Variants in PPP6R2 observed in about 807,000 individuals in gnomAD.
PPP6R2 encodes the protein protein phosphatase 6 regulatory subunit 2.
Under a neutral mutation model 100.2 loss-of-function variants are expected in PPP6R2, and 62 were observed. The observed-to-expected ratio is 0.62, with a 90% CI of 0.50 to 0.76. PPP6R2 has a LOEUF of 0.76. Ranked by LOEUF, PPP6R2 falls within the 30% of genes least tolerant of loss-of-function variation. The pLI is 0.00. For missense variants in PPP6R2, 1,142 were observed against 1,276.3 expected, an observed-to-expected ratio of 0.89 and a Z score of 1.60; for synonymous variants, 525 against 514.7, an observed-to-expected ratio of 1.02 and a Z score of -0.27.
At chr22:50,397,725 C>T (rs11703578) in intron 3 of PPP6R2, among the ~76,000 whole-genome samples, 76 of 854 alleles carry the variant, frequency 0.089, 12 homozygotes, top group Admixed American at 0.12. Context: ...CATCTCTGAG[C>T]TTTTCTCTGA....
intron 1 of PPP6R2, among the ~76,000 whole-genome samples, chr22:50,354,748 C>A (rs773071661): frequency 6.6e-6 from 1 of 151,980 alleles, no homozygotes; most frequent in Non-Finnish European, 1.5e-5. Context: ...TGCAGTGAAC[C>A]GAGATCATGC....
At chr22:50,405,899 C>T in intron 3 of PPP6R2, among the ~76,000 whole-genome samples, 1 of 131,214 alleles carries the variant, frequency 7.6e-6, no homozygotes, top group Non-Finnish European at 1.6e-5. Context: ...GGTGAGAGGC[C>T]TGGCAGGCGA....
the PPP6R2 span, among the ~76,000 whole-genome samples, chr22:50,338,252 C>T: frequency 1.3e-5 from 1 of 74,870 alleles, no homozygotes; most frequent in African/African-American, 6.9e-5. Flanking sequence ...GTGTTTGTGT[C>T]TATGTGTGGT....
the PPP6R2 span, among the ~76,000 whole-genome samples, chr22:50,334,344 T>C: frequency 6.6e-6 from 1 of 152,276 alleles, no homozygotes; most frequent in Non-Finnish European, 1.5e-5. Context: ...CCCTCTTGTC[T>C]TCTGGTCACT....
At chr22:50,351,682 G>A (rs2045301474) in intron 1 of PPP6R2, among the ~76,000 whole-genome samples, 1 of 152,110 alleles carries the variant, frequency 6.6e-6, no homozygotes, top group South Asian at 2.1e-4. Flanking sequence ...CACCCAGGCT[G>A]GAGTGCAGTG....
At position 50,444,233 on chromosome 22, in the gene PPP6R2, A is replaced by T; in HGVS notation, c.2866A>T (p.Asn956Tyr). ...TDAPPEGAAL[N>Y]GPV ...TGCCCCGCCAGAAGGAGCTGCCTTAAATGGCCCAGTGTGATGCTGCTGCCG... is the reference window on the plus strand; with the variant it reads ...TGCCCCGCCAGAAGGAGCTGCCTTATATGGCCCAGTGTGATGCTGCTGCCG... Residue 956 changes from asparagine (N) to tyrosine (Y), a missense_variant, in exon 24 of 24, where the codon AAT becomes TAT. Physicochemically the swap from Asn to Tyr is moderately radical, Grantham distance 143. Coordinates refer to ENST00000612753, the MANE Select transcript of PPP6R2 (RefSeq NM_001242898.2). 1.9e-6 allele frequency: 3 copies of T among 1,613,170 alleles called. No individual in the cohort carries two copies.
rs956730428 is a variant in PPP6R2, at chr22:50,414,707, C to T, written c.552+18C>T. 5.0e-6 allele frequency: 8 copies of T among 1,607,352 alleles called. No individual in the cohort carries two copies. Among genetic ancestry groups the T allele is most frequent in the Middle Eastern group, 2.2e-4 (1 of 4,484 alleles). ...TCCTGCACGTGAGTGCGGGAGTCCC[C>T]CCCCGTTCCCGAGGGCAGGGGTGCT... On this transcript the variant is annotated intron_variant, in intron 5 of 23. Coordinates refer to ENST00000612753, the MANE Select transcript of PPP6R2 (RefSeq NM_001242898.2).
chr22:50,368,110 C>T (rs768982437), intron 1 of PPP6R2, among the ~76,000 whole-genome samples: 4 of 152,266 alleles, frequency 2.6e-5, no homozygotes, highest in Non-Finnish European at 5.9e-5. Flanking sequence ...AATTCTGCTA[C>T]TGCTATCTAG....
chr22:50,394,456 A>G (rs146491258), intron 3 of PPP6R2, among the ~76,000 whole-genome samples: 5 of 151,596 alleles, frequency 3.3e-5, no homozygotes, highest in Non-Finnish European at 7.4e-5. Flanking sequence ...TAAATTAGCC[A>G]GATGTGGTGT....
At chr22:50,355,697 A>C (rs968002871) in intron 1 of PPP6R2, among the ~76,000 whole-genome samples, 3 of 146,576 alleles carry the variant, frequency 2.0e-5, no homozygotes, top group African/African-American at 7.6e-5. Context: ...ATTTTTTTCT[A>C]TTTTTAGTAG....
the PPP6R2 span, among the ~76,000 whole-genome samples, chr22:50,334,948 G>T: frequency 7.9e-5 from 12 of 151,888 alleles, no homozygotes. Flanking sequence ...GAGACTCTGT[G>T]TCAAAAAACA....
intron 6 of PPP6R2, 127 bp downstream of exon 6, chr22:50,416,284 A>G: frequency 1.3e-6 from 1 of 769,576 alleles, no homozygotes; most frequent in East Asian, 2.6e-5. Context: ...TCGGTTAGGT[A>G]CTTTTCTTTC....
chr22:50,437,657 G>C, intron 16 of PPP6R2, 54 bp downstream of exon 16: 1 of 1,471,080 alleles, frequency 6.8e-7, no homozygotes, highest in Non-Finnish European at 9.5e-7. Context: ...CTGCTGCTGA[G>C]CTCCCGTGGA....
chr22:50,426,127 A>AT (rs2147936864), intron 10 of PPP6R2, among the ~76,000 whole-genome samples: 1 of 152,010 alleles, frequency 6.6e-6, no homozygotes, highest in South Asian at 2.1e-4. Context: ...TAATTTTTAT[A>AT]TTTTTTGTAG....
At chr22:50,337,984 G>A in the PPP6R2 span, among the ~76,000 whole-genome samples, 1 of 141,254 alleles carries the variant, frequency 7.1e-6, no homozygotes, top group African/African-American at 2.6e-5. Context: ...GTGCTGTGTA[G>A]GGTGTGTATG....
chr22:50,439,072 G>A (rs1415876307), intron 19 of PPP6R2, among the ~76,000 whole-genome samples: 3 of 152,138 alleles, frequency 2.0e-5, no homozygotes, highest in Non-Finnish European at 2.9e-5. Context: ...CAGGCCTGAC[G>A]CCCTCCCCAG....
intron 1 of PPP6R2, among the ~76,000 whole-genome samples, chr22:50,370,530 A>T (rs567044210): frequency 2.0e-5 from 3 of 150,562 alleles, no homozygotes; most frequent in Non-Finnish European, 4.4e-5. Flanking sequence ...CTCGTGATCC[A>T]CCCGCCTTGG....
intron 10 of PPP6R2, among the ~76,000 whole-genome samples, chr22:50,425,374 C>G (rs2061952088): frequency 6.6e-6 from 1 of 152,240 alleles, no homozygotes; most frequent in African/African-American, 2.4e-5. Flanking sequence ...GGGTGGGCCA[C>G]ATTCTGTCCA....
chr22:50,376,271 G>A (rs1160757415), intron 2 of PPP6R2, among the ~76,000 whole-genome samples: 2 of 151,970 alleles, frequency 1.3e-5, no homozygotes, highest in Admixed American at 6.6e-5. Flanking sequence ...TGTGAGCTAT[G>A]ATTGCACCGC....
Sources: allele counts gnomAD v4.1 joint callset (sites outside exome capture counted in the v4.1 genomes callset), GRCh38; gene constraint gnomAD v4.1.1; transcripts MANE v1.5; gene names NCBI Gene and HGNC (gene_info 2026-07-23, HGNC 2026-07-21).